The following MGAT5 variants were observed in gnomAD, a reference collection of about 807,000 sequenced individuals.
MGAT5 encodes alpha-1,6-mannosylglycoprotein 6-beta-N-acetylglucosaminyltransferase A.
In MGAT5, 30 loss-of-function variants were observed where a neutral mutation model predicts 94.3. That is an observed-to-expected ratio of 0.32 (90% CI 0.24 to 0.43). MGAT5 has a LOEUF of 0.43. Among genes scored for constraint, MGAT5 ranks in the 20% least tolerant of loss-of-function variants. The probability of loss-of-function intolerance (pLI) is 1.00; values close to 1 mark genes in which losing one functional copy is unlikely to be tolerated. For synonymous variants in MGAT5, 310 were observed against 322.9 expected (o/e 0.96, Z 0.43); for missense variants, 691 against 905.5 (o/e 0.76, Z 3.04).
intron 7 of MGAT5, among the ~76,000 whole-genome samples, chr2:134,344,172 G>T (rs530327229): frequency 6.6e-6 from 1 of 152,144 alleles, no homozygotes; most frequent in Non-Finnish European, 1.5e-5. Flanking sequence ...GCACTGACTC[G>T]TTCCTACACA....
In MGAT5 at chr2:134,362,287, A is replaced by G. The variant is rs768665118; in HGVS notation, c.1259A>G (p.Asp420Gly). ...QFYTMFPHTPDNSFLGFVVEQ... is the reference protein window; with the variant it reads ...QFYTMFPHTPGNSFLGFVVEQ... ...CTTTGCACACCAGCTCATACCCCAG[A>G]CAACAGCTTTCTGGGGTTTGTGGTT... Residue 420 changes from aspartate (D) to glycine (G), a missense_variant, in exon 10 of 16, where the codon GAC becomes GGC. Asp to Gly is a moderately conservative substitution (Grantham distance 94). Around this residue, in one of 4 missense-constraint regions of MGAT5, gnomAD observed 121 missense variants for 206.1 expected, o/e 0.59. Coordinates refer to ENST00000281923, the MANE Select transcript of MGAT5 (RefSeq NM_002410.5). The G allele has an allele frequency of 6.2e-7, 1 of 1,613,834 alleles. No individual in the cohort carries two copies. Among genetic ancestry groups the G allele is most frequent in the Admixed American group, 1.7e-5 (1 of 60,014 alleles).
At chr2:134,298,694 G>A (rs1472473146) in intron 2 of MGAT5, among the ~76,000 whole-genome samples, 3 of 152,136 alleles carry the variant, frequency 2.0e-5, no homozygotes, top group African/African-American at 7.2e-5. Context: ...GTCTCCTGGA[G>A]TCTCTTTTGA....
intron 1 of MGAT5, among the ~76,000 whole-genome samples, chr2:134,215,370 G>GT (rs1052213751): frequency 2.0e-5 from 3 of 150,356 alleles, no homozygotes; most frequent in East Asian, 1.9e-4. Context: ...AGGTTTGTTT[G>GT]TTTTTTTAGC....
At chr2:134,428,916 G>T (rs1383856429) in intron 14 of MGAT5, among the ~76,000 whole-genome samples, 1 of 152,202 alleles carries the variant, frequency 6.6e-6, no homozygotes, top group East Asian at 1.9e-4. Context: ...CAGATAAAAA[G>T]CAGGACAAAG....
At chr2:134,422,183 A>G (rs1684340299) in intron 12 of MGAT5, among the ~76,000 whole-genome samples, 1 of 152,184 alleles carries the variant, frequency 6.6e-6, no homozygotes, top group African/African-American at 2.4e-5. Context: ...TGGACACTTC[A>G]TGAATTCAGA....
At chr2:134,162,907 C>T (rs918848965) in intron 1 of MGAT5, among the ~76,000 whole-genome samples, 3 of 152,038 alleles carry the variant, frequency 2.0e-5, no homozygotes, top group Admixed American at 2.0e-4. Context: ...AGTGGGATGA[C>T]CTTAGTGGTC....
At chr2:134,347,001 C>T (rs573535967) in intron 8 of MGAT5, among the ~76,000 whole-genome samples, 3 of 152,154 alleles carry the variant, frequency 2.0e-5, no homozygotes, top group African/African-American at 7.2e-5. Context: ...CTGCTGCGAT[C>T]GCTGTTACGG....
intron 14 of MGAT5, among the ~76,000 whole-genome samples, chr2:134,439,665 C>G (rs1685368206): frequency 6.6e-6 from 1 of 152,156 alleles, no homozygotes; most frequent in Non-Finnish European, 1.5e-5. Context: ...CCACTGTACT[C>G]CAGCCTGGGC....
chr2:134,318,578 T>C, intron 3 of MGAT5, 72 bp from the exon 4 acceptor site: 1 of 1,112,824 alleles, frequency 9.0e-7, no homozygotes, highest in Non-Finnish European at 1.4e-6. Context: ...CACCATTCTA[T>C]CCTCGCCTTC....
chr2:134,444,523 C>T (rs1284306522), intron 15 of MGAT5, among the ~76,000 whole-genome samples: 1 of 152,198 alleles, frequency 6.6e-6, no homozygotes, highest in African/African-American at 2.4e-5. Flanking sequence ...TGTTGTAAAA[C>T]CCCTGCTATC....
intron 1 of MGAT5, among the ~76,000 whole-genome samples, chr2:134,185,340 A>G (rs924846639): frequency 6.6e-6 from 1 of 152,160 alleles, no homozygotes; most frequent in Non-Finnish European, 1.5e-5. Flanking sequence ...CCAAATGGGA[A>G]TGGCTTTGTA....
At chr2:134,330,340 C>A (rs992144747) in intron 4 of MGAT5, among the ~76,000 whole-genome samples, 2 of 152,088 alleles carry the variant, frequency 1.3e-5, no homozygotes, top group Admixed American at 6.6e-5. Flanking sequence ...GTTATCTTTC[C>A]CCACTGAAAT....
chr2:134,189,602 G>GTTTTGTTTTGTTTTGTTTTTTTT (rs1553490380), intron 1 of MGAT5, among the ~76,000 whole-genome samples: 5 of 84,672 alleles, frequency 5.9e-5, no homozygotes, highest in Admixed American at 1.3e-4. Context: ...GTTTTTTTTT[G>GTTTTGTTTTGTTTTGTTTTTTTT]TTTTTTTTTT....
chr2:134,274,566 G>A (rs1684231939), intron 2 of MGAT5, among the ~76,000 whole-genome samples: 1 of 149,530 alleles, frequency 6.7e-6, no homozygotes, highest in Non-Finnish European at 1.5e-5. Flanking sequence ...CTCTCTACGG[G>A]GTAGTGTATG....
At chr2:134,135,568 T>G (rs1358545834) in intron 1 of MGAT5, among the ~76,000 whole-genome samples, 1 of 151,582 alleles carries the variant, frequency 6.6e-6, no homozygotes, top group South Asian at 2.1e-4. Context: ...GGTACGTGCC[T>G]GTAGTCCCAG....
rs561669502 is a variant in MGAT5 at position 134,408,336 on chromosome 2, A to C, written c.1531-4533A>C. Among the ~76,000 whole-genome samples, 45 of 152,296 alleles carry C rather than the reference A, an allele frequency of 3.0e-4. 1 individual carries two copies. The South Asian group carries it at 8.7e-3, about 30-fold the overall frequency. On this transcript the variant is annotated intron_variant, in intron 11 of 15. Coordinates refer to ENST00000281923, the MANE Select transcript of MGAT5 (RefSeq NM_002410.5). ...TTACTCCCCTATCTCCAAGTTAATAAATTTACAATGTGAATTGTAATGCAT... is the reference window on the plus strand; with the variant it reads ...TTACTCCCCTATCTCCAAGTTAATACATTTACAATGTGAATTGTAATGCAT...
intron 9 of MGAT5, among the ~76,000 whole-genome samples, chr2:134,350,847 A>G (rs1450886229): frequency 2.6e-5 from 4 of 152,180 alleles, no homozygotes; most frequent in African/African-American, 4.8e-5. Context: ...AATTATCAGG[A>G]TAATTTTAAT....
At chr2:134,136,728 G>A (rs1265574198) in intron 1 of MGAT5, among the ~76,000 whole-genome samples, 1 of 152,104 alleles carries the variant, frequency 6.6e-6, no homozygotes, top group Non-Finnish European at 1.5e-5. Flanking sequence ...TTTGCCAAGG[G>A]GTACAGTAGA....
intron 2 of MGAT5, among the ~76,000 whole-genome samples, chr2:134,314,970 G>A (rs541013013): frequency 2.6e-5 from 4 of 152,196 alleles, no homozygotes; most frequent in Middle Eastern, 3.2e-3. Flanking sequence ...GCAGAGTTGA[G>A]TAGCTGAGAA....
Sources: allele counts gnomAD v4.1 joint callset (sites outside exome capture counted in the v4.1 genomes callset), GRCh38; gene constraint gnomAD v4.1.1; regional missense constraint gnomAD v4.1.1; transcripts MANE v1.5; gene names NCBI Gene and HGNC (gene_info 2026-07-23, HGNC 2026-07-21).